Variants in ROBO2 observed in about 807,000 individuals in gnomAD.
ROBO2 encodes the protein roundabout guidance receptor 2.
ROBO2 carries 53 observed loss-of-function variants against 160.8 expected under a neutral mutation model. The ratio of observed to expected loss-of-function variants is 0.33; its 90% CI spans 0.26 to 0.41. The LOEUF (loss-of-function observed/expected upper bound fraction) is 0.41, where lower values mean the gene tolerates loss of function less well. ROBO2 is among the 10% of genes least tolerant of loss of function. The probability of loss-of-function intolerance (pLI) is 1.00; values close to 1 mark genes in which losing one functional copy is unlikely to be tolerated. For missense variants in ROBO2, 1,577 were observed against 1,722.4 expected, an observed-to-expected ratio of 0.92 and a Z score of 1.49; for synonymous variants, 664 against 611.7, an observed-to-expected ratio of 1.09 and a Z score of -1.26.
At chr3:77,207,908 G>A (rs1361347929) in intron 2 of ROBO2, among the ~76,000 whole-genome samples, 1 of 152,194 alleles carries the variant, frequency 6.6e-6, no homozygotes, top group Non-Finnish European at 1.5e-5. Flanking sequence ...CACTAAAGAT[G>A]TCTTCTTGCT....
chr3:76,073,166 T>C (rs1336916293), intron 2 of ROBO2, among the ~76,000 whole-genome samples: 1 of 151,966 alleles, frequency 6.6e-6, no homozygotes, highest in Admixed American at 6.6e-5. Context: ...AAGTCTAGTA[T>C]CATTATTTTA....
At chr3:76,914,949 G>A (rs930365730) in intron 2 of ROBO2, among the ~76,000 whole-genome samples, 2 of 152,152 alleles carry the variant, frequency 1.3e-5, no homozygotes, top group African/African-American at 4.8e-5. Flanking sequence ...CCACACTGAG[G>A]TGACTATAAA....
At chr3:76,392,587 G>T (rs887768230) in intron 2 of ROBO2, among the ~76,000 whole-genome samples, 3 of 152,022 alleles carry the variant, frequency 2.0e-5, no homozygotes, top group South Asian at 4.1e-4. Flanking sequence ...GCATTTTCCC[G>T]CAAAATGATG....
intron 17 of ROBO2, among the ~76,000 whole-genome samples, chr3:77,591,344 A>G (rs1308367510): frequency 6.6e-6 from 1 of 152,172 alleles, no homozygotes; most frequent in African/African-American, 2.4e-5. Context: ...AATGTGACCT[A>G]CTAAAGATAG....
intron 2 of ROBO2, among the ~76,000 whole-genome samples, chr3:76,427,317 G>A (rs2076261678): frequency 6.6e-6 from 1 of 152,022 alleles, no homozygotes; most frequent in Non-Finnish European, 1.5e-5. Context: ...TAGGAAGTGG[G>A]GGAAGGAGGA....
At chr3:77,615,364 T>C (rs77260766) in intron 21 of ROBO2, among the ~76,000 whole-genome samples, 1,726 of 152,236 alleles carry the variant, frequency 0.011, 34 homozygotes, top group African/African-American at 0.04. Flanking sequence ...CTAGAGTCCA[T>C]AGTTTACATT....
intron 2 of ROBO2, among the ~76,000 whole-genome samples, chr3:76,547,133 T>C (rs2083153494): frequency 6.6e-6 from 1 of 152,040 alleles, no homozygotes; most frequent in Non-Finnish European, 1.5e-5. Flanking sequence ...ACTTGATTTC[T>C]TATTTCATAT....
intron 2 of ROBO2, among the ~76,000 whole-genome samples, chr3:77,158,095 C>T (rs982403712): frequency 6.6e-6 from 1 of 152,108 alleles, no homozygotes; most frequent in Non-Finnish European, 1.5e-5. Flanking sequence ...TAGAGCTGTT[C>T]TCTTGCAGGC....
At chr3:75,962,544 T>G (rs1251717607) in intron 2 of ROBO2, among the ~76,000 whole-genome samples, 1 of 151,720 alleles carries the variant, frequency 6.6e-6, no homozygotes, top group African/African-American at 2.4e-5. Flanking sequence ...CTCCAAATAT[T>G]GTGTATATCT....
intron 2 of ROBO2, among the ~76,000 whole-genome samples, chr3:76,283,921 C>T (rs1397095966): frequency 6.6e-6 from 1 of 151,904 alleles, no homozygotes; most frequent in Non-Finnish European, 1.5e-5. Context: ...GTCTTAGGAT[C>T]GTTCTTCTGA....
At chr3:76,499,690 T>G (rs2080354900) in intron 2 of ROBO2, among the ~76,000 whole-genome samples, 2 of 152,192 alleles carry the variant, frequency 1.3e-5, no homozygotes, top group Non-Finnish European at 2.9e-5. Context: ...GAGTCAGAGT[T>G]AGCAAATGTG....
intron 1 of ROBO2, among the ~76,000 whole-genome samples, chr3:77,082,039 G>A (rs2068720692): frequency 6.6e-6 from 1 of 152,156 alleles, no homozygotes; most frequent in Non-Finnish European, 1.5e-5. Context: ...AAACAATGCA[G>A]AGCCGGTATT....
At chr3:76,019,785 A>G (rs1234468288) in intron 2 of ROBO2, among the ~76,000 whole-genome samples, 2 of 151,100 alleles carry the variant, frequency 1.3e-5, no homozygotes, top group Non-Finnish European at 3.0e-5. Context: ...TATTTGCATT[A>G]TGGCCTCCCC....
chr3:76,757,914 C>A (rs545772380), intron 2 of ROBO2, among the ~76,000 whole-genome samples: 2 of 151,558 alleles, frequency 1.3e-5, no homozygotes, highest in South Asian at 4.2e-4. Context: ...CTAAAAGGCA[C>A]GATTTGTGAA....
intron 1 of ROBO2, among the ~76,000 whole-genome samples, chr3:77,061,323 T>C (rs1408021242): frequency 6.6e-6 from 1 of 152,208 alleles, no homozygotes; most frequent in Non-Finnish European, 1.5e-5. Flanking sequence ...AGCCCTTTGT[T>C]TCTTACCTTG....
intron 2 of ROBO2, among the ~76,000 whole-genome samples, chr3:76,425,512 G>C (rs1009605363): frequency 6.6e-6 from 1 of 150,632 alleles, no homozygotes; most frequent in South Asian, 2.1e-4. Flanking sequence ...GTGTGTGTGT[G>C]TGTGTGTGTG....
chr3:75,931,184 C>G (rs764147238), intron 1 of ROBO2, among the ~76,000 whole-genome samples: 4 of 152,052 alleles, frequency 2.6e-5, no homozygotes, highest in African/African-American at 7.3e-5. Context: ...TTCTACATGC[C>G]AAGATGTTGC....
intron 2 of ROBO2, among the ~76,000 whole-genome samples, chr3:77,364,839 T>C (rs4482648): frequency 0.41 from 61,717 of 152,026 alleles, 13,261 homozygotes; most frequent in East Asian, 0.71. Flanking sequence ...GATAGATTAA[T>C]AGGAGAAAAG....
chr3:77,444,580 T>A (rs1262332645), intron 2 of ROBO2, among the ~76,000 whole-genome samples: 1 of 152,130 alleles, frequency 6.6e-6, no homozygotes, highest in African/African-American at 2.4e-5. Context: ...CCATGAAAAG[T>A]TTTAAAGAGG....
Sources: gnomAD v4.1 joint callset for allele counts (sites outside exome capture counted in the v4.1 genomes callset) on GRCh38, gnomAD v4.1.1 for gene constraint, MANE v1.5 for transcripts, NCBI Gene and HGNC (gene_info 2026-07-23, HGNC 2026-07-21) for gene names.